The following ITPR1 variants were observed in gnomAD, a reference collection of about 807,000 sequenced individuals.
ITPR1 encodes inositol 1,4,5-trisphosphate-gated calcium channel ITPR1.
Under a neutral mutation model 318.4 loss-of-function variants are expected in ITPR1, and 96 were observed. The ratio of observed to expected loss-of-function variants is 0.30; its 90% CI spans 0.26 to 0.36. The LOEUF (loss-of-function observed/expected upper bound fraction) is 0.36, where lower values mean the gene tolerates loss of function less well. Among genes scored for constraint, ITPR1 ranks in the 10% least tolerant of loss-of-function variants. The probability of loss-of-function intolerance (pLI) is 1.00; values close to 1 mark genes in which losing one functional copy is unlikely to be tolerated. For missense variants in ITPR1, 2,440 were observed against 3,460.2 expected (o/e 0.71, Z 7.40); for synonymous variants, 1,312 against 1,289.9 (o/e 1.02, Z -0.37).
chr3:4,779,480 G>A lies in ITPR1; in HGVS notation c.6292-70G>A. 9.0e-7 allele frequency: 1 copy of A among 1,111,112 alleles called. No individual in the cohort carries two copies. Among genetic ancestry groups the A allele is most frequent in the Non-Finnish European group, 1.4e-6 (1 of 725,826 alleles). 68.8% of individuals were successfully genotyped at this position (1,111,112 alleles called of 1,614,324 possible). On this transcript the variant is annotated intron_variant, in intron 48 of 61. Coordinates refer to ENST00000649015, the MANE Select transcript of ITPR1 (RefSeq NM_001378452.1). The surrounding 1 kb of genome is among the most constrained non-coding windows in gnomAD (Gnocchi z 4.0). ...CCGGGATGCCTCCCATGTGCCAGTT[G>A]GCACCTGCATTCAGGCCGGGCCCCC...
chr3:4,645,990 G>A (rs960820659), intron 10 of ITPR1: 2 of 401,760 alleles, frequency 5.0e-6, no homozygotes, highest in Non-Finnish European at 9.0e-6. Context: ...ATATCATGGT[G>A]CTGCATATTT....
intron 6 of ITPR1, among the ~76,000 whole-genome samples, chr3:4,640,277 AG>A (rs2093307530): frequency 6.6e-6 from 1 of 152,248 alleles, no homozygotes; most frequent in South Asian, 2.1e-4. Flanking sequence ...GGTATAGAGC[AG>A]GGCTAATCAG....
chr3:4,527,415 A>G lies in ITPR1; in HGVS notation c.163+6321A>G, dbSNP rs75707370. 1.5e-4 allele frequency among the ~76,000 whole-genome samples: 23 copies of G among 152,224 alleles called. No homozygotes were observed. The East Asian group carries it at 2.9e-3, about 19-fold the overall frequency. ...GGTCTTGAACTCATGGCCCCAAGCC[A>G]TCCACCACCTTGGCCTCTCAAATTG... On this transcript the variant is annotated intron_variant, in intron 4 of 61. Transcript: ENST00000649015.
At chr3:4,522,890 A>G (rs2082673938) in intron 4 of ITPR1, among the ~76,000 whole-genome samples, 1 of 152,132 alleles carries the variant, frequency 6.6e-6, no homozygotes, top group Non-Finnish European at 1.5e-5. Context: ...TGACGGATGG[A>G]GTGGGAGCCA....
At chr3:4,580,606 G>A (rs1056480827) in intron 4 of ITPR1, among the ~76,000 whole-genome samples, 8 of 151,330 alleles carry the variant, frequency 5.3e-5, no homozygotes, top group African/African-American at 1.5e-4. Context: ...CTGGTAAAGC[G>A]TGTCAAGGAT....
At chr3:4,817,398 T>A (rs1008997409) in intron 59 of ITPR1, 1 of 152,258 alleles carries the variant, frequency 6.6e-6, no homozygotes, top group Non-Finnish European at 1.5e-5. Context: ...CATCTGTGTA[T>A]ATATGTATGA....
intron 4 of ITPR1, among the ~76,000 whole-genome samples, chr3:4,573,342 G>T (rs972131565): frequency 6.6e-6 from 1 of 152,016 alleles, no homozygotes; most frequent in Non-Finnish European, 1.5e-5. Flanking sequence ...ACATCTGACT[G>T]CTTCCCATCT....
chr3:4,571,801 T>A (rs2088027348), intron 4 of ITPR1, among the ~76,000 whole-genome samples: 1 of 152,144 alleles, frequency 6.6e-6, no homozygotes, highest in Non-Finnish European at 1.5e-5. Flanking sequence ...AATGGGCAGG[T>A]CTCACCAGAA....
chr3:4,665,585 TA>T lies in ITPR1; in HGVS notation c.1713+290del, dbSNP rs963808998. 6.6e-5 allele frequency among the ~76,000 whole-genome samples: 10 copies of T among 152,306 alleles called. No homozygotes were observed. In the East Asian group the frequency reaches 1.9e-3, roughly 29 times the overall value. ...TTTTATGACGTATTCCCTTAGGGCTTAGGGGTGAAATGATGCCATGTGTTTA... is the reference window on the plus strand; with the variant it reads ...TTTTATGACGTATTCCCTTAGGGCTTGGGGTGAAATGATGCCATGTGTTTA... On this transcript the variant is annotated intron_variant, in intron 17 of 61. Coordinates refer to ENST00000649015, the MANE Select transcript of ITPR1 (RefSeq NM_001378452.1).
At chr3:4,794,942 TGTG>T (rs2047802436) in intron 52 of ITPR1, 120 bp from the exon 53 acceptor site, 19 of 1,058,876 alleles carry the variant, frequency 1.8e-5, no homozygotes, top group Non-Finnish European at 2.2e-5. Flanking sequence ...TTTTTACTCT[TGTG>T]GTAAAAACCG....
intron 35 of ITPR1, among the ~76,000 whole-genome samples, chr3:4,701,411 C>T (rs2094649573): frequency 6.6e-6 from 1 of 152,170 alleles, no homozygotes; most frequent in South Asian, 2.1e-4. Context: ...TGAGTTAGCT[C>T]CAGAGCTAAC....
At chr3:4,735,736 G>C (rs2043222148) in intron 44 of ITPR1, 3 of 201,350 alleles carry the variant, frequency 1.5e-5, no homozygotes, top group Non-Finnish European at 3.1e-5. Context: ...CAAAGAGTTT[G>C]AACTGTGTGT....
At position 4,836,812 on chromosome 3, in the gene ITPR1, G is replaced by A; in HGVS notation, c.8067G>A (p.Met2689Ile). 1 of 1,484,380 alleles carries A rather than the reference G, an allele frequency of 6.7e-7. No individual in the cohort carries two copies. Among genetic ancestry groups the A allele is most frequent in the Non-Finnish European group, 9.1e-7 (1 of 1,103,710 alleles). The allele number at this position is 1,484,380 out of a possible 1,614,324, so 92.0% of individuals were successfully genotyped here. The change falls in exon 61 of 62, where the codon ATG becomes ATA. Residue 2689 changes from methionine to isoleucine, a missense_variant. Coordinates refer to ENST00000649015, the MANE Select transcript of ITPR1 (RefSeq NM_001378452.1). ...NLDWFPRMRAMSLVSSDSEGE... is the reference protein window; with the variant it reads ...NLDWFPRMRAISLVSSDSEGE... ...ACTGGTTCCCCAGGATGAGAGCCAT[G>A]TCATTGGTCAGCAGTGATTCTGAAG...
In ITPR1 at chr3:4,696,917, G is replaced by A. The variant is rs1252171849; in HGVS notation, c.4282-230G>A. On this transcript the variant is annotated intron_variant, in intron 33 of 61. Coordinates refer to ENST00000649015, the MANE Select transcript of ITPR1 (RefSeq NM_001378452.1). ...ACTTGTCCCTGTTCTGTGGTCAGAGGTTTTGCCTCATTCTTTACCTTGAGA... is the reference window on the plus strand; with the variant it reads ...ACTTGTCCCTGTTCTGTGGTCAGAGATTTTGCCTCATTCTTTACCTTGAGA... Among the ~76,000 whole-genome samples the A allele has an allele frequency of 5.3e-5, 8 of 151,948 alleles. 1 individual carries two copies. The highest frequency in any genetic ancestry group is 5.2e-4 in the Admixed American group (8 of 15,276).
chr3:4,669,623 C>G lies in ITPR1; in HGVS notation c.1887-31C>G, dbSNP rs1028256984. 3 of 1,589,208 alleles carry G rather than the reference C, an allele frequency of 1.9e-6. No individual in the cohort carries two copies. The African/African-American group carries it at 4.0e-5, about 21-fold the overall frequency. On this transcript the variant is annotated intron_variant, in intron 18 of 61. Coordinates refer to ENST00000649015, the MANE Select transcript of ITPR1 (RefSeq NM_001378452.1). ...AGGAGCCTAACCTCTGCTCTATCTA[C>G]AGAAAATGTTTTGTTTCTGTTTCTG...
At chr3:4,711,604 C>A in intron 38 of ITPR1, 153 bp from the exon 39 acceptor site, 2 of 595,098 alleles carry the variant, frequency 3.4e-6, no homozygotes, top group Non-Finnish European at 6.0e-6. Context: ...ACTGGCTGTT[C>A]TCAGTGCAGG....
At chr3:4,681,065 A>G (rs549064363) in intron 25 of ITPR1, among the ~76,000 whole-genome samples, 1 of 152,174 alleles carries the variant, frequency 6.6e-6, no homozygotes, top group Non-Finnish European at 1.5e-5. Flanking sequence ...CCCAGGAACT[A>G]GTGGTGACGG....
At chr3:4,548,450 A>T (rs538916531) in intron 4 of ITPR1, among the ~76,000 whole-genome samples, 132 of 152,356 alleles carry the variant, frequency 8.7e-4, no homozygotes, top group African/African-American at 3.0e-3. Flanking sequence ...CTCTAATGGC[A>T]TGTGACTTTA....
chr3:4,771,533 G>T (rs1204808757), intron 46 of ITPR1, among the ~76,000 whole-genome samples: 1 of 152,086 alleles, frequency 6.6e-6, no homozygotes, highest in Non-Finnish European at 1.5e-5. Context: ...AATTGCACAG[G>T]TTCATCATTT....
Sources: gnomAD v4.1 joint callset for allele counts (sites outside exome capture counted in the v4.1 genomes callset) on GRCh38, gnomAD v4.1.1 for gene constraint, Gnocchi (gnomAD v3.1) non-coding constraint, MANE v1.5 for transcripts, NCBI Gene and HGNC (gene_info 2026-07-23, HGNC 2026-07-21) for gene names.